Variants in CLIC4 observed in about 807,000 individuals in gnomAD.
CLIC4 encodes the protein chloride intracellular channel protein 4.
In CLIC4, 13 loss-of-function variants were observed where a neutral mutation model predicts 24.6. The ratio of observed to expected loss-of-function variants is 0.53; its 90% CI spans 0.34 to 0.84. The LOEUF (loss-of-function observed/expected upper bound fraction) is 0.84. Among genes scored for constraint, CLIC4 ranks in the 40% least tolerant of loss-of-function variants. The pLI, the probability that CLIC4 is intolerant of heterozygous loss-of-function variation, is 0.01. For synonymous variants in CLIC4, 104 were observed against 111.3 expected (o/e 0.93, Z 0.41); for missense variants, 227 against 301.7 (o/e 0.75, Z 1.83).
chr1:24,757,564 A>T (rs1028801474), intron 1 of CLIC4, among the ~76,000 whole-genome samples: 16 of 152,000 alleles, frequency 1.1e-4, no homozygotes, highest in Admixed American at 3.9e-4. Context: ...ACATAGTGAG[A>T]CCCTGTCTCT....
At chr1:24,790,850 A>G (rs1449300498) in intron 1 of CLIC4, among the ~76,000 whole-genome samples, 1 of 152,158 alleles carries the variant, frequency 6.6e-6, no homozygotes, top group African/African-American at 2.4e-5. Flanking sequence ...AAAGTTATAT[A>G]TATGTGATCA....
chr1:24,753,155 G>T (rs1571227518), intron 1 of CLIC4, among the ~76,000 whole-genome samples: 1 of 152,206 alleles, frequency 6.6e-6, no homozygotes, highest in East Asian at 1.9e-4. Context: ...AAGAACCACT[G>T]TTCTAAAAGA....
intron 1 of CLIC4, among the ~76,000 whole-genome samples, chr1:24,773,018 A>G (rs558383559): frequency 6.6e-6 from 1 of 152,280 alleles, no homozygotes; most frequent in Admixed American, 6.5e-5. Context: ...ATATTGTGAT[A>G]TATATCCTTA....
chr1:24,843,488 G>C lies in CLIC4; in HGVS notation c.*2551G>C, dbSNP rs764212388. 2 of 152,100 alleles carry C rather than the reference G, an allele frequency of 1.3e-5. No homozygotes were observed. Among genetic ancestry groups the C allele is most frequent in the Admixed American group, 6.5e-5 (1 of 15,276 alleles). 9.4% of individuals were successfully genotyped at this position (152,100 alleles called of 1,614,324 possible). A position where few individuals can be genotyped will look rare whatever the true frequency, so the allele number is the denominator to read the frequency against. On this transcript the variant is annotated 3_prime_UTR_variant, in exon 6 of 6. Transcript: ENST00000374379. The stretch of plus-strand genomic sequence containing the variant: ...CAGTGAGGAGATTGGAGTCTGAATG[G>C]ATCTGTTTTCCAAGAGATTCTGAGA...
At chr1:24,805,968 C>T (rs527314755) in intron 2 of CLIC4, among the ~76,000 whole-genome samples, 1 of 152,290 alleles carries the variant, frequency 6.6e-6, no homozygotes, top group Non-Finnish European at 1.5e-5. Flanking sequence ...TGAAAGACTA[C>T]CATGATACAT....
intron 3 of CLIC4, among the ~76,000 whole-genome samples, chr1:24,818,296 G>GTT (rs202009346): frequency 1.3e-5 from 2 of 151,588 alleles, no homozygotes; most frequent in East Asian, 3.9e-4. Flanking sequence ...TGTTTGTTTT[G>GTT]TTTTTTTTGA....
chr1:24,784,630 G>C (rs1164944806), intron 1 of CLIC4, among the ~76,000 whole-genome samples: 1 of 152,184 alleles, frequency 6.6e-6, no homozygotes, highest in Non-Finnish European at 1.5e-5. Context: ...TTTATCTGAA[G>C]AGCAGATTTC....
At chr1:24,771,131 CTA>C (rs1639066324) in intron 1 of CLIC4, among the ~76,000 whole-genome samples, 2 of 152,164 alleles carry the variant, frequency 1.3e-5, no homozygotes, top group South Asian at 4.1e-4. Flanking sequence ...AAGAGAAGAA[CTA>C]TATACACACA....
At chr1:24,836,048 A>T (rs988573526) in intron 4 of CLIC4, among the ~76,000 whole-genome samples, 6 of 152,250 alleles carry the variant, frequency 3.9e-5, no homozygotes, top group African/African-American at 1.4e-4. Context: ...AATAGTATAA[A>T]TACTAACCTA....
chr1:24,746,529 T>C (rs4649017), intron 1 of CLIC4, among the ~76,000 whole-genome samples: 42,461 of 152,078 alleles, frequency 0.28, 7,181 homozygotes, highest in Non-Finnish European at 0.37. Flanking sequence ...GTTATAAACA[T>C]CTGGATCCAG....
At chr1:24,815,527 G>T (rs1639659091) in intron 3 of CLIC4, among the ~76,000 whole-genome samples, 1 of 152,048 alleles carries the variant, frequency 6.6e-6, no homozygotes, top group Non-Finnish European at 1.5e-5. Context: ...GCTAAAAAAT[G>T]CTAATGGTTA....
chr1:24,803,879 C>T (rs972360579), intron 2 of CLIC4, among the ~76,000 whole-genome samples: 2 of 152,006 alleles, frequency 1.3e-5, no homozygotes, highest in Non-Finnish European at 2.9e-5. Flanking sequence ...AGTTAGTTAC[C>T]TTATATTTAA....
chr1:24,754,389 T>C (rs1638816093), intron 1 of CLIC4, among the ~76,000 whole-genome samples: 1 of 152,186 alleles, frequency 6.6e-6, no homozygotes, highest in South Asian at 2.1e-4. Flanking sequence ...TGAGCCATCC[T>C]TTTCCGCTTC....
intron 1 of CLIC4, 71 bp downstream of exon 1, chr1:24,745,696 C>T: frequency 1.5e-6 from 2 of 1,348,462 alleles, no homozygotes; most frequent in Non-Finnish European, 2.0e-6. Flanking sequence ...AGCGGCGTCC[C>T]GGGGCTCTCC....
intron 1 of CLIC4, among the ~76,000 whole-genome samples, chr1:24,759,767 G>T (rs1638897386): frequency 6.6e-6 from 1 of 152,108 alleles, no homozygotes; most frequent in Non-Finnish European, 1.5e-5. Flanking sequence ...TCTGCAACGT[G>T]GGGAAACCCC....
intron 2 of CLIC4, among the ~76,000 whole-genome samples, chr1:24,801,362 C>G (rs575175789): frequency 1.1e-4 from 17 of 152,064 alleles, no homozygotes; most frequent in South Asian, 2.1e-4. Flanking sequence ...CTTTCATGGC[C>G]GGAGAAGGAA....
rs149584025 is a variant in CLIC4, at chr1:24,836,561, G to A, written c.416-3299G>A. ...AATAACAAAAGTACAGCTAGAACGG[G>A]GCACAGTGGCTCATGCCTGTAATCC... On this transcript the variant is annotated intron_variant, in intron 4 of 5. Transcript: ENST00000374379. 1.2e-3 allele frequency among the ~76,000 whole-genome samples: 186 copies of A among 152,226 alleles called. 2 individuals are homozygous for A. The East Asian group carries it at 0.027, about 22-fold the overall frequency.
At chr1:24,790,122 A>G (rs1364273731) in intron 1 of CLIC4, among the ~76,000 whole-genome samples, 4 of 152,146 alleles carry the variant, frequency 2.6e-5, no homozygotes, top group African/African-American at 7.2e-5. Flanking sequence ...CCCAGGCTGG[A>G]GCGCAGTGGC....
At chr1:24,786,934 T>C (rs1171419107) in intron 1 of CLIC4, among the ~76,000 whole-genome samples, 1 of 151,826 alleles carries the variant, frequency 6.6e-6, no homozygotes, top group Non-Finnish European at 1.5e-5. Context: ...TATTTTTATT[T>C]TCTGGAGATG....
Sources: allele counts gnomAD v4.1 joint callset (sites outside exome capture counted in the v4.1 genomes callset), GRCh38; gene constraint gnomAD v4.1.1; transcripts MANE v1.5; gene names NCBI Gene and HGNC (gene_info 2026-07-23, HGNC 2026-07-21).